Variants in ZFYVE9 observed in about 807,000 individuals in gnomAD.
The protein encoded by ZFYVE9 is zinc finger FYVE-type containing 9, also known as zinc finger FYVE domain-containing protein 9.
Under a neutral mutation model 126.7 loss-of-function variants are expected in ZFYVE9, and 43 were observed. The ratio of observed to expected loss-of-function variants is 0.34; its 90% CI spans 0.27 to 0.44. The LOEUF (loss-of-function observed/expected upper bound fraction) is 0.44, where lower values mean the gene tolerates loss of function less well. Ranked by LOEUF, ZFYVE9 falls within the 20% of genes least tolerant of loss-of-function variation. The pLI is 1.00. For synonymous variants in ZFYVE9, 521 were observed against 597.4 expected (o/e 0.87, Z 1.87); for missense variants, 1,476 against 1,697.0 (o/e 0.87, Z 2.29).
chr1:52,168,297 A>G (rs999414080), intron 1 of ZFYVE9, among the ~76,000 whole-genome samples: 20 of 144,516 alleles, frequency 1.4e-4, no homozygotes, highest in African/African-American at 5.0e-4. Flanking sequence ...GCTTACTGCA[A>G]CCTCTGCTGC....
intron 1 of ZFYVE9, 61 bp from the exon 2 acceptor site, chr1:52,216,308 A>G (rs1259480338): frequency 5.0e-6 from 2 of 398,028 alleles, no homozygotes; most frequent in Non-Finnish European, 8.9e-6. Context: ...GTAGATTTAT[A>G]TGAAGAAAAT....
At chr1:52,177,939 GT>G (rs202136399) in intron 1 of ZFYVE9, among the ~76,000 whole-genome samples, 4 of 138,218 alleles carry the variant, frequency 2.9e-5, no homozygotes, top group Admixed American at 7.3e-5. Context: ...ATGAAAAGTA[GT>G]TTTGTTTTTT....
At position 52,346,154 on chromosome 1, in the gene ZFYVE9, C is replaced by A. The variant is rs1338560875; in HGVS notation, c.4211C>A (p.Ala1404Asp). 6.2e-7 allele frequency: 1 copy of A among 1,613,102 alleles called. No individual in the cohort carries two copies. ...TTGGTGCCGGTGATCCATGGAGGGG[C>A]CTGCCAGCTTAGTGAGGGCCCCGTT... The part of the protein sequence containing the change: ...SALVPVIHGG[A>D]CQLSEGPVVM... Residue 1404 changes from alanine to aspartate, a missense_variant, in exon 19 of 19, where the codon GCC becomes GAC. This residue lies in a region of ZFYVE9 where 669 missense variants were observed against 902.4 expected (regional missense o/e 0.74). Coordinates refer to ENST00000287727, the MANE Select transcript of ZFYVE9 (RefSeq NM_004799.4).
intron 12 of ZFYVE9, among the ~76,000 whole-genome samples, chr1:52,302,848 G>A (rs1231082049): frequency 4.6e-5 from 7 of 151,660 alleles, no homozygotes; most frequent in African/African-American, 1.2e-4. Context: ...AGTGGCTCAC[G>A]ACTGTAATTG....
Position 52,280,492 on chromosome 1 carries a change from G to GT in ZFYVE9, c.2870-1162dup, listed in dbSNP as rs557639166. ...CCCAAAGTGAAATAAAGATGTCTTT[G>GT]TTTTTTTGATTAACATTTGTTTTGA... On this transcript the variant is annotated intron_variant, in intron 9 of 18. Transcript: ENST00000287727. 1.0e-3 allele frequency among the ~76,000 whole-genome samples: 154 copies of GT among 152,044 alleles called. 1 individual carries two copies. Among genetic ancestry groups the GT allele is most frequent in the Middle Eastern group, 3.4e-3 (1 of 292 alleles).
chr1:52,220,465 T>TG (rs1325334615), intron 2 of ZFYVE9, among the ~76,000 whole-genome samples: 1 of 152,196 alleles, frequency 6.6e-6, no homozygotes, highest in African/African-American at 2.4e-5. Flanking sequence ...GGCAGCCGAT[T>TG]GGGGGCATTT....
intron 7 of ZFYVE9, among the ~76,000 whole-genome samples, chr1:52,270,795 G>GTT (rs945154373): frequency 2.9e-5 from 4 of 139,442 alleles, no homozygotes; most frequent in Non-Finnish European, 4.7e-5. Flanking sequence ...GTATTTGTCT[G>GTT]TTTTTTTTTT....
Position 52,237,550 on chromosome 1 carries a change from C to CTG in ZFYVE9, c.133_134insTG (p.His45LeufsTer13), listed in dbSNP as rs770670682. ...GAATAAGATTCTAGATCCCCCTTCT[C>CTG]ACCGGCTGTCATTTAACCCTACTTT... On this transcript the variant is annotated frameshift_variant, in exon 4 of 19. Transcript: ENST00000287727. LOFTEE classifies it high-confidence loss of function. 3 of 1,613,984 alleles carry CTG rather than the reference C, an allele frequency of 1.9e-6. No individual in the cohort carries two copies. In the Admixed American group the frequency reaches 5.0e-5, roughly 27 times the overall value.
At chr1:52,325,024 A>G (rs906446108) in intron 13 of ZFYVE9, among the ~76,000 whole-genome samples, 2 of 152,194 alleles carry the variant, frequency 1.3e-5, no homozygotes, top group African/African-American at 4.8e-5. Flanking sequence ...TCACGCCTGT[A>G]ATCCCAACAC....
At chr1:52,309,435 C>A (rs1646117995) in intron 13 of ZFYVE9, among the ~76,000 whole-genome samples, 1 of 152,126 alleles carries the variant, frequency 6.6e-6, no homozygotes, top group Admixed American at 6.6e-5. Context: ...GCTGAGATTT[C>A]TCCACTGCAC....
chr1:52,174,614 T>A (rs1468368476), intron 1 of ZFYVE9, among the ~76,000 whole-genome samples: 12 of 151,562 alleles, frequency 7.9e-5, no homozygotes, highest in Non-Finnish European at 1.6e-4. Flanking sequence ...TGTTAAAGTC[T>A]CCCATTATTA....
chr1:52,158,486 G>A lies in ZFYVE9; in HGVS notation c.-143+16083G>A, dbSNP rs544913880. The stretch of plus-strand genomic sequence containing the variant: ...ATCCCTGAAGACTCAGAGTTCAAAG[G>A]ATTTGGAAATGACAATCTTTGGGGG... On this transcript the variant is annotated intron_variant, in intron 1 of 18. Transcript: ENST00000287727. Among the ~76,000 whole-genome samples, 5 of 152,298 alleles carry A rather than the reference G, an allele frequency of 3.3e-5. No homozygotes were observed. In the South Asian group the frequency reaches 1.0e-3, roughly 32 times the overall value.
intron 3 of ZFYVE9, among the ~76,000 whole-genome samples, chr1:52,237,247 T>C (rs1035998975): frequency 1.3e-5 from 2 of 152,196 alleles, no homozygotes; most frequent in Non-Finnish European, 2.9e-5. Flanking sequence ...AGTTTAATTA[T>C]GTTACTAGAT....
intron 10 of ZFYVE9, 50 bp from the exon 11 acceptor site, chr1:52,293,403 T>C: frequency 1.1e-6 from 1 of 905,504 alleles, no homozygotes. Context: ...AAAAAAGAAA[T>C]ATGATTAATT....
chr1:52,322,842 T>C (rs529478626), intron 13 of ZFYVE9, among the ~76,000 whole-genome samples: 33 of 152,214 alleles, frequency 2.2e-4, no homozygotes, highest in African/African-American at 7.9e-4. Flanking sequence ...TCTCGCTCTA[T>C]CGCCCAGGCT....
intron 4 of ZFYVE9, among the ~76,000 whole-genome samples, chr1:52,261,871 G>A (rs533737456): frequency 6.6e-5 from 10 of 152,274 alleles, no homozygotes; most frequent in Admixed American, 5.9e-4. Context: ...CGAGGGAGAA[G>A]GAAAAGTCAA....
chr1:52,224,937 C>T, intron 2 of ZFYVE9, among the ~76,000 whole-genome samples: 1 of 152,120 alleles, frequency 6.6e-6, no homozygotes. Context: ...TTGGCTGCTT[C>T]CCTCGTGAGA....
chr1:52,223,416 G>A (rs1645142287), intron 2 of ZFYVE9, among the ~76,000 whole-genome samples: 1 of 152,098 alleles, frequency 6.6e-6, no homozygotes, highest in Admixed American at 6.5e-5. Flanking sequence ...AGGGTGGACA[G>A]GCATAATCTT....
intron 6 of ZFYVE9, 44 bp from the exon 7 acceptor site, chr1:52,268,419 C>G (rs754231927): frequency 6.3e-7 from 1 of 1,582,604 alleles, no homozygotes; most frequent in Non-Finnish European, 8.6e-7. Context: ...AGAAAACCTT[C>G]CAATGCCACA....
Sources: gnomAD v4.1 joint callset for allele counts (sites outside exome capture counted in the v4.1 genomes callset) on GRCh38, gnomAD v4.1.1 for gene constraint, gnomAD v4.1.1 regional missense constraint, MANE v1.5 for transcripts, NCBI Gene and HGNC (gene_info 2026-07-23, HGNC 2026-07-21) for gene names.